RORA: variants seen among roughly 807,000 people sequenced by gnomAD.
The protein encoded by RORA is RAR related orphan receptor A.
Under a neutral mutation model 69.5 loss-of-function variants are expected in RORA, and 7 were observed. The observed-to-expected ratio is 0.10, with a 90% confidence interval of 0.06 to 0.19. The LOEUF is 0.19. Among genes scored for constraint, RORA ranks in the 10% least tolerant of loss-of-function variants. RORA has a pLI of 1.00. For synonymous variants in RORA, 261 were observed against 240.8 expected (o/e 1.08, Z -0.78); for missense variants, 457 against 663.0 (o/e 0.69, Z 3.41).
intron 8 of RORA, 35 bp from the exon 9 acceptor site, chr15:60,501,104 T>G: frequency 7.8e-7 from 1 of 1,290,060 alleles, no homozygotes; most frequent in South Asian, 1.2e-5. Context: ...TTTAGAATTT[T>G]GATTATTGTC....
intron 1 of RORA, among the ~76,000 whole-genome samples, chr15:61,144,810 G>A (rs1176958929): frequency 6.6e-6 from 1 of 152,152 alleles, no homozygotes. Context: ...AGAGTCACAT[G>A]TATATCCAAA....
intron 1 of RORA, among the ~76,000 whole-genome samples, chr15:60,747,449 A>T (rs1018669243): frequency 1.3e-5 from 2 of 152,200 alleles, no homozygotes; most frequent in Non-Finnish European, 2.9e-5. Flanking sequence ...CAGATTTTTT[A>T]AAATTGGCAT....
At chr15:61,220,108 G>A (rs569274400) in intron 1 of RORA, among the ~76,000 whole-genome samples, 1 of 152,232 alleles carries the variant, frequency 6.6e-6, no homozygotes, top group African/African-American at 2.4e-5. Context: ...ATGAGTGCCA[G>A]AAATGGTAAA....
At chr15:60,806,794 C>T (rs974494509) in intron 1 of RORA, among the ~76,000 whole-genome samples, 2 of 152,194 alleles carry the variant, frequency 1.3e-5, no homozygotes, top group African/African-American at 4.8e-5. Context: ...TTTTGGAACA[C>T]CTTTTATGGA....
rs148573693 is a variant in RORA at position 60,758,917 on chromosome 15, T to C, written c.167-80231A>G. Among the ~76,000 whole-genome samples the C allele has an allele frequency of 3.4e-3, 515 of 152,274 alleles. 3 individuals carry two copies. Among genetic ancestry groups the C allele is most frequent in the African/African-American group, 0.012 (484 of 41,566 alleles). On this transcript the variant is annotated intron_variant, in intron 1 of 10. Coordinates refer to ENST00000335670, the MANE Select transcript of RORA (RefSeq NM_134261.3). ...GATAAGAGAGGCCAGACAGTTACCA[T>C]TTTACAGACAAAGAAACTGAAGTCC...
chr15:60,587,504 G>C (rs1443779643), intron 2 of RORA, among the ~76,000 whole-genome samples: 4 of 152,168 alleles, frequency 2.6e-5, no homozygotes, highest in African/African-American at 9.7e-5. Flanking sequence ...AGATGGAAAA[G>C]CTAGGCTATA....
intron 1 of RORA, among the ~76,000 whole-genome samples, chr15:60,843,210 G>T (rs551299371): frequency 1.3e-5 from 2 of 152,296 alleles, no homozygotes; most frequent in South Asian, 4.1e-4. Context: ...GCACAAACAT[G>T]CACAAATCTC....
At chr15:61,122,427 T>C (rs2079112126) in intron 1 of RORA, among the ~76,000 whole-genome samples, 1 of 152,136 alleles carries the variant, frequency 6.6e-6, no homozygotes, top group Non-Finnish European at 1.5e-5. Flanking sequence ...CTCCAAATTC[T>C]CAATTTTAAA....
intron 1 of RORA, among the ~76,000 whole-genome samples, chr15:60,705,136 A>AC (rs2071042922): frequency 6.6e-6 from 1 of 151,286 alleles, no homozygotes; most frequent in East Asian, 1.9e-4. Flanking sequence ...AGAAAAAAAA[A>AC]AAGAAAGAAA....
chr15:60,722,512 C>T (rs2071306880), intron 1 of RORA, among the ~76,000 whole-genome samples: 1 of 152,200 alleles, frequency 6.6e-6, no homozygotes, highest in Non-Finnish European at 1.5e-5. Context: ...TGATTAGCCC[C>T]TGAGGGACGT....
intron 1 of RORA, among the ~76,000 whole-genome samples, chr15:60,838,637 G>A (rs910642202): frequency 2.0e-5 from 3 of 152,172 alleles, no homozygotes; most frequent in East Asian, 3.9e-4. Context: ...ACGTAATGGC[G>A]TCTTTTATTT....
At chr15:61,144,501 C>T (rs1157737796) in intron 1 of RORA, among the ~76,000 whole-genome samples, 1 of 152,196 alleles carries the variant, frequency 6.6e-6, no homozygotes, top group Non-Finnish European at 1.5e-5. Context: ...GCACAGCTGC[C>T]ATGACTGTTA....
chr15:61,079,230 CATTT>C (rs1186160587), intron 1 of RORA, among the ~76,000 whole-genome samples: 2 of 152,170 alleles, frequency 1.3e-5, no homozygotes, highest in African/African-American at 2.4e-5. Context: ...GCCACCAATT[CATTT>C]AGACAGTGCC....
At chr15:61,173,437 T>C (rs1437110444) in intron 1 of RORA, among the ~76,000 whole-genome samples, 8 of 152,226 alleles carry the variant, frequency 5.3e-5, no homozygotes, top group Admixed American at 5.2e-4. Context: ...TGTGTTGGAA[T>C]TTTTTAAGCA....
At chr15:60,976,903 C>T (rs1268738172) in intron 1 of RORA, among the ~76,000 whole-genome samples, 1 of 152,100 alleles carries the variant, frequency 6.6e-6, no homozygotes, top group Non-Finnish European at 1.5e-5. Context: ...GCTCGCACAC[C>T]AAGTATTTGT....
At chr15:60,892,386 G>A (rs1474229589) in intron 1 of RORA, among the ~76,000 whole-genome samples, 1 of 152,196 alleles carries the variant, frequency 6.6e-6, no homozygotes, top group African/African-American at 2.4e-5. Flanking sequence ...ATTATATAGT[G>A]AAGGAGCCAG....
At chr15:61,143,614 C>T (rs2079320252) in intron 1 of RORA, among the ~76,000 whole-genome samples, 1 of 152,082 alleles carries the variant, frequency 6.6e-6, no homozygotes, top group Non-Finnish European at 1.5e-5. Context: ...CAGAAATAAA[C>T]ATAATGCACA....
At chr15:60,706,125 T>C (rs2071059593) in intron 1 of RORA, 1 of 152,150 alleles carries the variant, frequency 6.6e-6, no homozygotes, top group Admixed American at 6.5e-5. Flanking sequence ...TCAATTGAGT[T>C]TGAGCAAAAA....
chr15:61,117,452 G>A (rs1179551538), intron 1 of RORA, among the ~76,000 whole-genome samples: 1 of 152,054 alleles, frequency 6.6e-6, no homozygotes, highest in East Asian at 1.9e-4. Flanking sequence ...TTGTACATTA[G>A]TATTAATATA....
Sources: allele counts gnomAD v4.1 joint callset (sites outside exome capture counted in the v4.1 genomes callset), GRCh38; gene constraint gnomAD v4.1.1; transcripts MANE v1.5; gene names NCBI Gene and HGNC (gene_info 2026-07-23, HGNC 2026-07-21).